SCNN1B: variants seen among roughly 807,000 people sequenced by gnomAD.
SCNN1B encodes the protein sodium channel epithelial 1 subunit beta.
In SCNN1B, 46 loss-of-function variants were observed where a neutral mutation model predicts 65.3. The observed-to-expected ratio is 0.70, with a 90% CI of 0.56 to 0.90. SCNN1B has a LOEUF of 0.90. Ranked by LOEUF, SCNN1B falls within the 40% of genes least tolerant of loss-of-function variation. The pLI is 0.00. For missense variants in SCNN1B, 751 were observed against 830.5 expected (o/e 0.90, Z 1.18); for synonymous variants, 349 against 330.6 (o/e 1.06, Z -0.60).
intron 1 of SCNN1B, among the ~76,000 whole-genome samples, chr16:23,344,272 T>C (rs1237579899): frequency 6.6e-6 from 1 of 152,202 alleles, no homozygotes; most frequent in African/African-American, 2.4e-5. Context: ...TGAGGCCTCA[T>C]TGTTAAACCC....
chr16:23,331,787 G>A (rs370378460), intron 1 of SCNN1B, among the ~76,000 whole-genome samples: 3 of 152,112 alleles, frequency 2.0e-5, no homozygotes, highest in Non-Finnish European at 2.9e-5. Flanking sequence ...TAGCACAGGA[G>A]GGGGAGCATC....
intron 1 of SCNN1B, among the ~76,000 whole-genome samples, chr16:23,322,681 A>G (rs569516560): frequency 4.2e-4 from 64 of 152,308 alleles, no homozygotes; most frequent in Non-Finnish European, 7.5e-4. Context: ...TTTTATTAAT[A>G]TATTTCATTG....
chr16:23,292,358 T>A (rs1960937741), intron 2 of SCNN1B, among the ~76,000 whole-genome samples: 1 of 151,814 alleles, frequency 6.6e-6, no homozygotes, highest in Non-Finnish European at 1.5e-5. Context: ...CACACCCAGC[T>A]AATTTTGTTT....
rs779512585 is a variant in SCNN1B at position 23,355,350 on chromosome 16, C to G, written c.637C>G (p.Gln213Glu). The part of the protein sequence containing the change: ...CTFRNFTSAT[Q>E]ALTEWYILQA... ...CTTCCGGAACTTCACCAGTGCTACC[C>G]AGGCATTGACAGAGTGGTACATCCT... The change falls in exon 4 of 13, where the codon CAG (glutamine) becomes GAG (glutamate). Residue 213 changes from glutamine (Q) to glutamate (E), a missense_variant. By Grantham distance (29) the Gln-to-Glu change is conservative. Coordinates refer to ENST00000343070, the MANE Select transcript of SCNN1B (RefSeq NM_000336.3). 6.2e-7 allele frequency: 1 copy of G among 1,614,186 alleles called. No individual in the cohort carries two copies. Among genetic ancestry groups the G allele is most frequent in the East Asian group, 2.2e-5 (1 of 44,884 alleles).
At chr16:23,286,753 G>C (rs1045212967) in intron 2 of SCNN1B, among the ~76,000 whole-genome samples, 3 of 152,094 alleles carry the variant, frequency 2.0e-5, no homozygotes, top group South Asian at 2.1e-4. Flanking sequence ...GAGAGAGAAC[G>C]GGAAGGGAAG....
intron 1 of SCNN1B, among the ~76,000 whole-genome samples, chr16:23,309,503 T>C (rs1397376426): frequency 6.6e-6 from 1 of 152,132 alleles, no homozygotes; most frequent in Non-Finnish European, 1.5e-5. Context: ...GGTCCCACAA[T>C]AGGCTGTTTG....
chr16:23,357,172 C>T (rs1340027181), intron 4 of SCNN1B, among the ~76,000 whole-genome samples: 1 of 152,260 alleles, frequency 6.6e-6, no homozygotes, highest in Non-Finnish European at 1.5e-5. Flanking sequence ...GGGCACGTGA[C>T]AGGCTTCCAA....
chr16:23,353,678 A>AG (rs1962358969), intron 3 of SCNN1B, among the ~76,000 whole-genome samples: 1 of 152,218 alleles, frequency 6.6e-6, no homozygotes, highest in Non-Finnish European at 1.5e-5. Context: ...GGACTGAGCA[A>AG]GGGGGAAGGT....
chr16:23,288,573 G>A (rs919690060), intron 2 of SCNN1B, among the ~76,000 whole-genome samples: 1 of 152,174 alleles, frequency 6.6e-6, no homozygotes, highest in Non-Finnish European at 1.5e-5. Context: ...GGAGGCCAAG[G>A]TGGGAGGATT....
At chr16:23,290,019 T>C (rs1028878070) in intron 2 of SCNN1B, among the ~76,000 whole-genome samples, 5 of 151,838 alleles carry the variant, frequency 3.3e-5, no homozygotes, top group African/African-American at 1.2e-4. Flanking sequence ...ACAAATGAAG[T>C]AAAAAGGCAA....
chr16:23,365,605 G>C (rs939720128), intron 4 of SCNN1B, among the ~76,000 whole-genome samples: 1 of 134,882 alleles, frequency 7.4e-6, no homozygotes, highest in African/African-American at 3.0e-5. Flanking sequence ...AAGAAAGAAA[G>C]AAAGAAAGAA....
chr16:23,342,135 A>T (rs1291857092), intron 1 of SCNN1B, among the ~76,000 whole-genome samples: 2 of 152,256 alleles, frequency 1.3e-5, no homozygotes, highest in African/African-American at 4.8e-5. Context: ...TCAACATAAT[A>T]TGGGATATTA....
At chr16:23,339,799 T>A (rs1962017874) in intron 1 of SCNN1B, among the ~76,000 whole-genome samples, 1 of 152,074 alleles carries the variant, frequency 6.6e-6, no homozygotes, top group Non-Finnish European at 1.5e-5. Context: ...ACTCCTGACC[T>A]CAAGTGATCC....
rs61741877 is a variant in SCNN1B at position 23,348,689 on chromosome 16, C to T, written c.90C>T (p.Cys30=). 37 of 1,613,748 alleles carry T rather than the reference C, an allele frequency of 2.3e-5. No homozygotes were observed. Among genetic ancestry groups the T allele is most frequent in the South Asian group, 8.8e-5 (8 of 91,048 alleles). The change falls in exon 2 of 13, where the codon TGC becomes TGT. Residue 30 remains cysteine, a synonymous_variant. Coordinates refer to ENST00000343070, the MANE Select transcript of SCNN1B (RefSeq NM_000336.3). The surrounding 1 kb of genome is among the most constrained non-coding windows in gnomAD (Gnocchi z 4.5). ...YTYKELLVWY[C]DNTNTHGPKR... The stretch of plus-strand genomic sequence containing the variant: ...ACAAGGAGCTGCTGGTGTGGTACTG[C>T]GACAACACCAACACCCACGGCCCCA...
intron 1 of SCNN1B, among the ~76,000 whole-genome samples, chr16:23,281,205 G>C (rs780132518): frequency 6.6e-6 from 1 of 152,192 alleles, no homozygotes; most frequent in Non-Finnish European, 1.5e-5. Flanking sequence ...GGCCAAAGTG[G>C]GTGGTTCATC....
intron 1 of SCNN1B, among the ~76,000 whole-genome samples, chr16:23,330,880 C>T (rs1961797464): frequency 6.6e-6 from 1 of 151,972 alleles, no homozygotes; most frequent in African/African-American, 2.4e-5. Context: ...TAAGGGCAGT[C>T]GAGGCTTCCC....
chr16:23,349,200 T>G (rs557672135), intron 2 of SCNN1B, among the ~76,000 whole-genome samples: 2 of 152,274 alleles, frequency 1.3e-5, no homozygotes, highest in African/African-American at 4.8e-5. Context: ...TCATAAACTT[T>G]TGGCCAGGTG....
At chr16:23,283,274 G>A (rs970545932) in intron 1 of SCNN1B, among the ~76,000 whole-genome samples, 3 of 152,082 alleles carry the variant, frequency 2.0e-5, no homozygotes, top group Non-Finnish European at 2.9e-5. Flanking sequence ...AGCCAGGTGC[G>A]GTGGCACATG....
At chr16:23,307,044 T>A (rs368298892) in intron 1 of SCNN1B, among the ~76,000 whole-genome samples, 4 of 152,288 alleles carry the variant, frequency 2.6e-5, no homozygotes, top group African/African-American at 4.8e-5. Context: ...AGTAAACCAC[T>A]TGCCCAAAAT....
Sources: gnomAD v4.1 joint callset for allele counts (sites outside exome capture counted in the v4.1 genomes callset) on GRCh38, gnomAD v4.1.1 for gene constraint, Gnocchi (gnomAD v3.1) non-coding constraint, MANE v1.5 for transcripts, NCBI Gene and HGNC (gene_info 2026-07-23, HGNC 2026-07-21) for gene names.